ARHGEF10L: variants seen among roughly 807,000 people sequenced by gnomAD.
The protein encoded by ARHGEF10L is Rho guanine nucleotide exchange factor 10 like.
Under a neutral mutation model 141.2 loss-of-function variants are expected in ARHGEF10L, and 69 were observed. The ratio of observed to expected loss-of-function variants is 0.49; its 90% CI spans 0.40 to 0.60. ARHGEF10L has a LOEUF of 0.60. Among genes scored for constraint, ARHGEF10L ranks in the 20% least tolerant of loss-of-function variants. The probability of loss-of-function intolerance (pLI) is 0.00; values close to 1 mark genes in which losing one functional copy is unlikely to be tolerated. For synonymous variants in ARHGEF10L, 711 were observed against 718.5 expected, an observed-to-expected ratio of 0.99 and a Z score of 0.17; for missense variants, 1,482 against 1,734.3, an observed-to-expected ratio of 0.85 and a Z score of 2.58.
rs1269752304 is a variant in ARHGEF10L at position 17,615,833 on chromosome 1, A to T, written c.727-261A>T. 3.0e-5 allele frequency: 11 copies of T among 372,384 alleles called. No individual in the cohort carries two copies. 23.1% of individuals were successfully genotyped at this position (372,384 alleles called of 1,614,324 possible). On this transcript the variant is annotated intron_variant, in intron 8 of 28. Coordinates refer to ENST00000361221, the MANE Select transcript of ARHGEF10L (RefSeq NM_018125.4). This position sits in a 1 kb window ranked among gnomAD's most constrained non-coding sequence, Gnocchi z 4.7. ...CTCACCAGGTCACATCATCTCCTGG[A>T]TTAGAAATCTGCTCACATAGTCTGT... is the stretch of plus-strand genomic sequence containing the variant.
the ARHGEF10L span, among the ~76,000 whole-genome samples, chr1:17,514,548 G>A: frequency 6.6e-6 from 1 of 152,298 alleles, no homozygotes; most frequent in East Asian, 1.9e-4. Context: ...AGTGGAACAT[G>A]CTTCTCAGGA....
intron 9 of ARHGEF10L, among the ~76,000 whole-genome samples, chr1:17,617,203 A>C (rs553991291): frequency 6.6e-6 from 1 of 152,318 alleles, no homozygotes; most frequent in Non-Finnish European, 1.5e-5. Flanking sequence ...CATAAACCCC[A>C]TTAGAGGGTT....
rs1009734777 is a variant in ARHGEF10L, at chr1:17,639,960, G to A, written c.2172-242G>A. ...GGCTCCTGGAGCCAGGCTGGGGAGC[G>A]TGGCTCAGCCACCCTGGCCAGGTAC... On this transcript the variant is annotated intron_variant, in intron 20 of 28. Transcript: ENST00000361221. This position sits in a 1 kb window ranked among gnomAD's most constrained non-coding sequence, Gnocchi z 4.3. The A allele has an allele frequency of 5.8e-5, 86 of 1,492,310 alleles. 1 individual carries two copies. The East Asian group carries it at 1.5e-3, about 26-fold the overall frequency. The allele number at this position is 1,492,310 out of a possible 1,614,324, so 92.4% of individuals were successfully genotyped here.
At chr1:17,649,634 T>G (rs1458528590) in intron 22 of ARHGEF10L, among the ~76,000 whole-genome samples, 1 of 152,178 alleles carries the variant, frequency 6.6e-6, no homozygotes, top group Non-Finnish European at 1.5e-5. Flanking sequence ...GTCCCAACCC[T>G]TATGTAGCTT....
In ARHGEF10L at chr1:17,627,206, G is replaced by A; in HGVS notation, c.1411-124G>A. On this transcript the variant is annotated intron_variant, in intron 14 of 28. Coordinates refer to ENST00000361221, the MANE Select transcript of ARHGEF10L (RefSeq NM_018125.4). This position sits in a 1 kb window ranked among gnomAD's most constrained non-coding sequence, Gnocchi z 4.0. Reference sequence around the variant, plus strand: ...TTCTGCATCTGGTGCCATCTGTCCTGGCCTCAGGCCGGGCCCTTTGCAGAC... The same window carrying A: ...TTCTGCATCTGGTGCCATCTGTCCTAGCCTCAGGCCGGGCCCTTTGCAGAC... 8.7e-7 allele frequency: 1 copy of A among 1,150,708 alleles called. No homozygotes were observed. The highest frequency in any genetic ancestry group is 1.2e-6 in the Non-Finnish European group (1 of 803,268). 71.3% of individuals were successfully genotyped at this position (1,150,708 alleles called of 1,614,324 possible). A position where few individuals can be genotyped will look rare whatever the true frequency, so the allele number is the denominator to read the frequency against.
chr1:17,608,145 C>T (rs534818421), intron 7 of ARHGEF10L, among the ~76,000 whole-genome samples, 168 bp downstream of exon 7: 7 of 152,232 alleles, frequency 4.6e-5, no homozygotes, highest in Admixed American at 1.3e-4. Context: ...CCAGGTCATC[C>T]CGAAACAGGA....
chr1:17,554,127 C>T (rs2077213828), intron 1 of ARHGEF10L, among the ~76,000 whole-genome samples: 1 of 152,176 alleles, frequency 6.6e-6, no homozygotes, highest in East Asian at 1.9e-4. Flanking sequence ...TCTGCAAAAC[C>T]CGTTCTCCCG....
intron 1 of ARHGEF10L, among the ~76,000 whole-genome samples, chr1:17,560,374 G>A (rs549760072): frequency 4.9e-4 from 74 of 152,308 alleles, no homozygotes; most frequent in Non-Finnish European, 8.7e-4. Flanking sequence ...AGGGTCACAA[G>A]GCAATGCTAT....
chr1:17,649,416 G>T (rs1431396468), intron 22 of ARHGEF10L, among the ~76,000 whole-genome samples: 2 of 152,190 alleles, frequency 1.3e-5, no homozygotes, highest in Non-Finnish European at 2.9e-5. Flanking sequence ...CAGCTCCAGG[G>T]ATAGGAGCAC....
rs955172039 is a variant in ARHGEF10L, at chr1:17,608,998, G to A, written c.609+1021G>A. Reference sequence around the variant, plus strand: ...GGGTTTCGTCATGTTGCCCAGGCTGGTCTCAAACTCCTGGCCTCAAGTGAT... The same window carrying A: ...GGGTTTCGTCATGTTGCCCAGGCTGATCTCAAACTCCTGGCCTCAAGTGAT... On this transcript the variant is annotated intron_variant, in intron 7 of 28. Coordinates refer to ENST00000361221, the MANE Select transcript of ARHGEF10L (RefSeq NM_018125.4). Among the ~76,000 whole-genome samples, 3 of 152,292 alleles carry A rather than the reference G, an allele frequency of 2.0e-5. No homozygotes were observed. The South Asian group carries it at 6.2e-4, about 32-fold the overall frequency.
intron 1 of ARHGEF10L, among the ~76,000 whole-genome samples, chr1:17,559,374 A>G (rs2077462564): frequency 6.6e-6 from 1 of 152,138 alleles, no homozygotes; most frequent in African/African-American, 2.4e-5. Flanking sequence ...CTGGGTATTT[A>G]TTAGCCTTGG....
In ARHGEF10L at chr1:17,639,560, C is replaced by T. The variant is rs1289379372; in HGVS notation, c.2172-642C>T. Among the ~76,000 whole-genome samples the T allele has an allele frequency of 6.6e-6, 1 of 152,114 alleles. No homozygotes were observed. Among genetic ancestry groups the T allele is most frequent in the East Asian group, 1.9e-4 (1 of 5,154 alleles). On this transcript the variant is annotated intron_variant, in intron 20 of 28. Coordinates refer to ENST00000361221, the MANE Select transcript of ARHGEF10L (RefSeq NM_018125.4). This position sits in a 1 kb window ranked among gnomAD's most constrained non-coding sequence, Gnocchi z 4.3. ...CCTGTCCGTCTCCCTTCCTCCATCT[C>T]CCTTCTCTCTGCCTCTCATTCTCCA...
At chr1:17,674,745 A>ATAC (rs2063538460) in intron 26 of ARHGEF10L, among the ~76,000 whole-genome samples, 1 of 152,204 alleles carries the variant, frequency 6.6e-6, no homozygotes, top group Admixed American at 6.5e-5. Context: ...TACGATTACA[A>ATAC]TACAGTATTT....
Position 17,627,538 on chromosome 1 carries a change from G to GTGCT in ARHGEF10L, c.1584+35_1584+36insTGCT. The GTGCT allele has an allele frequency of 1.9e-6, 3 of 1,602,248 alleles. No individual in the cohort carries two copies. The highest frequency in any genetic ancestry group is 2.6e-6 in the Non-Finnish European group (3 of 1,174,888). On this transcript the variant is annotated intron_variant, in intron 15 of 28. Coordinates refer to ENST00000361221, the MANE Select transcript of ARHGEF10L (RefSeq NM_018125.4). This position sits in a 1 kb window ranked among gnomAD's most constrained non-coding sequence, Gnocchi z 4.0. ...GCCTCCCACCTGCCTGCCCTCACCT[G>GTGCT]CCTGCCCTCACCTGTGCTCCTGCCC...
chr1:17,619,317 A>G lies in ARHGEF10L; in HGVS notation c.836-22A>G, dbSNP rs376397674. On this transcript the variant is annotated intron_variant, in intron 9 of 28. Transcript: ENST00000361221. This position sits in a 1 kb window ranked among gnomAD's most constrained non-coding sequence, Gnocchi z 5.0. ...GTGCTGTCCCTGCCTTAGCTGTGTC[A>G]TCGGCCCATCTGACTTTCCAGGTGA... 1.9e-6 allele frequency: 3 copies of G among 1,609,302 alleles called. No individual in the cohort carries two copies. The African/African-American group carries it at 4.0e-5, about 22-fold the overall frequency.
intron 8 of ARHGEF10L, 57 bp downstream of exon 8, chr1:17,613,231 C>T (rs1429406300): frequency 7.0e-7 from 1 of 1,424,806 alleles, no homozygotes; most frequent in Non-Finnish European, 9.8e-7. Flanking sequence ...GCTGCAGCTA[C>T]CTCCAAGGGT....
upstream of ARHGEF10L, among the ~76,000 whole-genome samples, chr1:17,535,127 C>A (rs941509537): frequency 6.6e-6 from 1 of 152,128 alleles, no homozygotes; most frequent in Non-Finnish European, 1.5e-5. Context: ...TGTTTTCCTG[C>A]AACCAGATGG....
chr1:17,521,290 A>G, the ARHGEF10L span, among the ~76,000 whole-genome samples: 5 of 152,166 alleles, frequency 3.3e-5, no homozygotes, highest in Non-Finnish European at 5.9e-5. Context: ...TCCACCTCCC[A>G]GGCTCAAGCG....
At chr1:17,567,645 G>A (rs1190725021) in intron 1 of ARHGEF10L, among the ~76,000 whole-genome samples, 1 of 152,188 alleles carries the variant, frequency 6.6e-6, no homozygotes, top group Non-Finnish European at 1.5e-5. Context: ...TGGGATTACA[G>A]GCGTGAACCA....
Sources: allele counts gnomAD v4.1 joint callset (sites outside exome capture counted in the v4.1 genomes callset), GRCh38; gene constraint gnomAD v4.1.1; non-coding constraint Gnocchi (gnomAD v3.1); transcripts MANE v1.5; gene names NCBI Gene and HGNC (gene_info 2026-07-23, HGNC 2026-07-21).